Variants in CRYBG3 observed in about 807,000 individuals in gnomAD.
CRYBG3 encodes crystallin beta-gamma domain containing 3, also known as very large A-kinase anchor protein.
Under a neutral mutation model 244.2 loss-of-function variants are expected in CRYBG3, and 127 were observed. The observed-to-expected ratio is 0.52, with a 90% confidence interval of 0.45 to 0.60. The LOEUF is 0.60. Among genes scored for constraint, CRYBG3 ranks in the 20% least tolerant of loss-of-function variants. The probability of loss-of-function intolerance (pLI) is 0.00; values close to 1 mark genes in which losing one functional copy is unlikely to be tolerated. For missense variants in CRYBG3, 3,325 were observed against 3,442.5 expected (o/e 0.97, Z 0.85); for synonymous variants, 1,132 against 1,195.8 (o/e 0.95, Z 1.10).
chr3:97,831,470 G>A (rs1251248210), intron 1 of CRYBG3, among the ~76,000 whole-genome samples: 1 of 152,104 alleles, frequency 6.6e-6, no homozygotes, highest in Non-Finnish European at 1.5e-5. Context: ...AGACGAAGGT[G>A]GGATTCAGAG....
intron 2 of CRYBG3, among the ~76,000 whole-genome samples, chr3:97,857,534 G>A (rs183778674): frequency 6.5e-4 from 99 of 151,296 alleles, no homozygotes; most frequent in Admixed American, 7.3e-4. Context: ...GAGTGTTCCC[G>A]TCTTGAGTGC....
intron 6 of CRYBG3, among the ~76,000 whole-genome samples, 159 bp from the exon 7 acceptor site, chr3:97,880,913 A>G (rs2039437811): frequency 6.6e-6 from 1 of 152,228 alleles, no homozygotes; most frequent in African/African-American, 2.4e-5. Context: ...GCCTGTACTT[A>G]AATTAGCATA....
At chr3:97,859,949 T>C (rs532380448) in intron 2 of CRYBG3, among the ~76,000 whole-genome samples, 2 of 152,292 alleles carry the variant, frequency 1.3e-5, no homozygotes, top group South Asian at 4.1e-4. Flanking sequence ...ATCTATCTCT[T>C]TATACCATAG....
intron 2 of CRYBG3, among the ~76,000 whole-genome samples, chr3:97,849,980 T>G (rs1442409124): frequency 6.6e-6 from 1 of 152,168 alleles, no homozygotes. Flanking sequence ...GACTAGCTCA[T>G]ATATGTTCCT....
At chr3:97,867,344 A>G (rs2039246575) in intron 3 of CRYBG3, among the ~76,000 whole-genome samples, 1 of 152,210 alleles carries the variant, frequency 6.6e-6, no homozygotes, top group East Asian at 1.9e-4. Context: ...TGAGCAAGTA[A>G]AAAAGGGAGA....
In CRYBG3 at chr3:97,872,779, C is replaced by A; in HGVS notation, c.1585C>A (p.Arg529=). The change falls in exon 4 of 22, where the codon CGA becomes AGA. Residue 529 remains arginine (R), a synonymous_variant. Transcript: ENST00000389622. The part of the protein sequence containing the change: ...QKNVAVREIR[R]ETESASAGES... ...AAATGTGGCTGTTAGAGAAATCAGG[C>A]GAGAAACAGAAAGTGCCTCAGCTGG... is the stretch of plus-strand genomic sequence containing the variant. The A allele has an allele frequency of 6.5e-6, 10 of 1,535,622 alleles. No individual in the cohort carries two copies. Among genetic ancestry groups the A allele is most frequent in the Non-Finnish European group, 7.8e-6 (9 of 1,146,616 alleles).
chr3:97,933,143 T>C, intron 17 of CRYBG3: 1 of 454,668 alleles, frequency 2.2e-6, no homozygotes, highest in Non-Finnish European at 4.4e-6. Context: ...AGTCTATTCT[T>C]GTCTGACATG....
At chr3:97,863,526 G>T (rs907592463) in intron 2 of CRYBG3, among the ~76,000 whole-genome samples, 1 of 151,986 alleles carries the variant, frequency 6.6e-6, no homozygotes, top group Non-Finnish European at 1.5e-5. Flanking sequence ...CCAGGAAGGG[G>T]TCACAAGTGG....
chr3:97,877,266 C>T lies in CRYBG3; in HGVS notation c.6072C>T (p.Val2024=). ...ASAEARQTQS[V]LFHDTSADSM... is the part of the protein sequence containing the mutation. ...CAGAAGCAAGACAAACACAGTCTGT[C>T]TTGTTTCATGATACGTCCGCTGACA... is the stretch of plus-strand genomic sequence containing the variant. The change falls in exon 4 of 22, where the codon GTC becomes GTT. Residue 2024 remains valine, a synonymous_variant. Transcript: ENST00000389622. 1 of 1,613,992 alleles carries T rather than the reference C, an allele frequency of 6.2e-7. No homozygotes were observed. The highest frequency in any genetic ancestry group is 8.5e-7 in the Non-Finnish European group (1 of 1,179,930).
chr3:97,874,475 A>T lies in CRYBG3; in HGVS notation c.3281A>T (p.His1094Leu). 1 of 1,534,430 alleles carries T rather than the reference A, an allele frequency of 6.5e-7. No homozygotes were observed. The highest frequency in any genetic ancestry group is 1.2e-5 in the South Asian group (1 of 83,608). ...DSIQVTKDLT[H>L]EGTSVTNLLY... ...ATACAAGTTACCAAAGATCTCACACATGAAGGTACCTCTGTAACTAACCTG... is the reference window on the plus strand; with the variant it reads ...ATACAAGTTACCAAAGATCTCACACTTGAAGGTACCTCTGTAACTAACCTG... The change falls in exon 4 of 22, where the codon CAT (histidine) becomes CTT (leucine). Residue 1094 changes from histidine to leucine, a missense_variant. Physicochemically the swap from His to Leu is moderately conservative, Grantham distance 99 (BLOSUM62 -3). Around this residue, in one of 4 missense-constraint regions of CRYBG3, gnomAD observed 1,526 missense variants for 1,443.2 expected, o/e 1.06. Transcript: ENST00000389622.
intron 17 of CRYBG3, among the ~76,000 whole-genome samples, chr3:97,930,409 A>G (rs2040084845): frequency 6.6e-6 from 1 of 152,070 alleles, no homozygotes; most frequent in Admixed American, 6.6e-5. Context: ...CTTTCAGTTT[A>G]TTTTATAAAC....
chr3:97,851,793 A>T (rs1408881493), intron 2 of CRYBG3, among the ~76,000 whole-genome samples: 1 of 152,124 alleles, frequency 6.6e-6, no homozygotes, highest in Non-Finnish European at 1.5e-5. Flanking sequence ...ATGCTCAGCC[A>T]TTGGAGGGAT....
At chr3:97,845,785 C>T (rs753995056) in intron 2 of CRYBG3, among the ~76,000 whole-genome samples, 2 of 152,216 alleles carry the variant, frequency 1.3e-5, no homozygotes, top group Non-Finnish European at 2.9e-5. Flanking sequence ...TTCTGATTTG[C>T]ATCAGGTCTC....
intron 1 of CRYBG3, among the ~76,000 whole-genome samples, chr3:97,833,740 A>T (rs1390119819): frequency 6.6e-6 from 1 of 152,102 alleles, no homozygotes. Context: ...TTGCTAAAAG[A>T]TTACAAAACA....
At chr3:97,896,966 G>T (rs1665895577) in intron 12 of CRYBG3, among the ~76,000 whole-genome samples, 1 of 152,128 alleles carries the variant, frequency 6.6e-6, no homozygotes, top group Non-Finnish European at 1.5e-5. Flanking sequence ...GGGCCATATT[G>T]AGTAGTTATT....
chr3:97,891,792 G>A (rs2039579111), intron 10 of CRYBG3, among the ~76,000 whole-genome samples: 1 of 152,156 alleles, frequency 6.6e-6, no homozygotes, highest in African/African-American at 2.4e-5. Context: ...CTTGTTTGAG[G>A]AGAGAAATGA....
At chr3:97,896,345 C>T (rs1409258422) in intron 12 of CRYBG3, among the ~76,000 whole-genome samples, 1 of 152,022 alleles carries the variant, frequency 6.6e-6, no homozygotes, top group African/African-American at 2.4e-5. Context: ...CAGACTCAAC[C>T]CCCACATTTA....
At chr3:97,823,691 A>T (rs2038540015) in intron 1 of CRYBG3, among the ~76,000 whole-genome samples, 1 of 152,206 alleles carries the variant, frequency 6.6e-6, no homozygotes, top group South Asian at 2.1e-4. Context: ...GGTGCCTGCC[A>T]CCGCCGTAAC....
intron 12 of CRYBG3, among the ~76,000 whole-genome samples, 183 bp downstream of exon 12, chr3:97,896,268 T>A (rs1175785890): frequency 2.6e-5 from 4 of 152,230 alleles, no homozygotes; most frequent in Non-Finnish European, 5.9e-5. Context: ...GAATTTTTTT[T>A]AACTTTTCAT....
Sources: gnomAD v4.1 joint callset for allele counts (sites outside exome capture counted in the v4.1 genomes callset) on GRCh38, gnomAD v4.1.1 for gene constraint, gnomAD v4.1.1 regional missense constraint, MANE v1.5 for transcripts, NCBI Gene and HGNC (gene_info 2026-07-23, HGNC 2026-07-21) for gene names.